The following TNS1 variants were observed in gnomAD, a reference collection of about 807,000 sequenced individuals.
TNS1 encodes the protein tensin 1.
In TNS1, 62 loss-of-function variants were observed where a neutral mutation model predicts 168.6. That is an observed-to-expected ratio of 0.37 (90% CI 0.30 to 0.45). The LOEUF is 0.45. Ranked by LOEUF, TNS1 falls within the 20% of genes least tolerant of loss-of-function variation. TNS1 has a pLI of 1.00. For synonymous variants in TNS1, 934 were observed against 933.2 expected, an observed-to-expected ratio of 1.00 and a Z score of -0.02; for missense variants, 2,240 against 2,339.4, an observed-to-expected ratio of 0.96 and a Z score of 0.88.
In TNS1 at chr2:217,848,889, G is replaced by T. The variant is rs1286286362; in HGVS notation, c.1628C>A (p.Thr543Asn). 1.9e-6 allele frequency: 3 copies of T among 1,614,038 alleles called. No individual in the cohort carries two copies. Residue 543 changes from threonine to asparagine, a missense_variant, in exon 19 of 33, where the codon ACC (threonine) becomes AAC (asparagine). Coordinates refer to ENST00000682258, the MANE Select transcript of TNS1 (RefSeq NM_001387777.1). ...NSTASTKTDKTDEPVPGASSA... is the reference protein window; with the variant it reads ...NSTASTKTDKNDEPVPGASSA... Reference sequence around the variant, plus strand: ...GGAGGCCCCGGGGACAGGCTCGTCGGTCTTGTCGGTCTTGGTGGAGGCTGT... The same window carrying T: ...GGAGGCCCCGGGGACAGGCTCGTCGTTCTTGTCGGTCTTGGTGGAGGCTGT...
chr2:217,931,450 C>G (rs920284334), intron 3 of TNS1, among the ~76,000 whole-genome samples: 5 of 152,214 alleles, frequency 3.3e-5, no homozygotes, highest in African/African-American at 4.8e-5. Flanking sequence ...CCAACCACCA[C>G]GGGGACATGT....
chr2:217,836,192 C>T lies in TNS1; in HGVS notation c.3027G>A (p.Lys1009=), dbSNP rs1286465451. ...GAGGGGCTGGGGGCTCTGCAGGCTG[C>T]TTCTCCCGAGCCTGTACCCCTGGGA... The part of the protein sequence containing the change: ...HRVAGVQARE[K]QPAEPPAPLR... The change falls in exon 20 of 33, where the codon AAG becomes AAA. Residue 1009 remains lysine (K), a synonymous_variant. Coordinates refer to ENST00000682258, the MANE Select transcript of TNS1 (RefSeq NM_001387777.1). 1 of 1,611,798 alleles carries T rather than the reference C, an allele frequency of 6.2e-7. No homozygotes were observed. The highest frequency in any genetic ancestry group is 1.3e-5 in the African/African-American group (1 of 74,848).
At chr2:217,970,090 T>C (rs1343265349) in intron 3 of TNS1, among the ~76,000 whole-genome samples, 1 of 151,940 alleles carries the variant, frequency 6.6e-6, no homozygotes, top group African/African-American at 2.4e-5. Flanking sequence ...AGACAGAGGA[T>C]GGGTGATGCA....
chr2:218,014,917 AAGGAAGGCAGGCAGGC>A (rs1175780975), upstream of TNS1, among the ~76,000 whole-genome samples: 137 of 76,630 alleles, frequency 1.8e-3, no homozygotes, highest in African/African-American at 5.8e-3. Context: ...GGAAGGAAGG[AAGGAAGGCAGGCAGGC>A]AGGCAGGCAG....
chr2:217,865,272 C>T (rs1949170426), intron 18 of TNS1, among the ~76,000 whole-genome samples: 1 of 152,138 alleles, frequency 6.6e-6, no homozygotes, highest in African/African-American at 2.4e-5. Context: ...CCAAATAAGC[C>T]CATCTAGGGC....
chr2:217,983,871 C>T (rs889240771), intron 2 of TNS1, among the ~76,000 whole-genome samples: 4 of 152,282 alleles, frequency 2.6e-5, no homozygotes, highest in East Asian at 3.9e-4. Flanking sequence ...GTCTAGGCCA[C>T]GGTACCTAGA....
intron 3 of TNS1, among the ~76,000 whole-genome samples, chr2:217,970,099 C>T (rs1275830258): frequency 6.6e-6 from 1 of 152,100 alleles, no homozygotes; most frequent in East Asian, 1.9e-4. Context: ...ATGGGTGATG[C>T]ACCTACAAGC....
intron 18 of TNS1, among the ~76,000 whole-genome samples, chr2:217,860,282 G>A (rs961684828): frequency 6.6e-6 from 1 of 152,114 alleles, no homozygotes; most frequent in African/African-American, 2.4e-5. Flanking sequence ...AAAATAAGGG[G>A]AAGAACAAAA....
In TNS1 at chr2:217,847,707, T is replaced by C. The variant is rs1205380363; in HGVS notation, c.2810A>G (p.Lys937Arg). Residue 937 changes from lysine (K) to arginine (R), a missense_variant, in exon 19 of 33, where the codon AAG becomes AGG. This residue lies in a region of TNS1 where 2,131 missense variants were observed against 2,171.2 expected (regional missense o/e 0.98). Transcript: ENST00000682258. ...AGGCAAGGAGGAAGAGGCTGGGCTCTTTGAATGGAAATCCTGGTTAGGCCC... is the reference window on the plus strand; with the variant it reads ...AGGCAAGGAGGAAGAGGCTGGGCTCCTTGAATGGAAATCCTGGTTAGGCCC... ...LAGPNQDFHS[K>R]SPASSSLPAF... 1 of 1,605,500 alleles carries C rather than the reference T, an allele frequency of 6.2e-7. No homozygotes were observed. Among genetic ancestry groups the C allele is most frequent in the East Asian group, 2.2e-5 (1 of 44,624 alleles).
At chr2:217,879,592 T>G (rs902984711) in intron 18 of TNS1, 5 of 301,148 alleles carry the variant, frequency 1.7e-5, no homozygotes, top group African/African-American at 1.2e-4. Flanking sequence ...CGTAAAAAAA[T>G]GTGCTCTCAG....
chr2:217,885,009 C>T (rs373331703), intron 16 of TNS1, 26 bp downstream of exon 16: 2 of 1,613,616 alleles, frequency 1.2e-6, no homozygotes, highest in East Asian at 2.2e-5. Flanking sequence ...GGGGTGCCCA[C>T]CCCCAGCTCC....
At chr2:217,961,193 G>C (rs1162666155) in intron 3 of TNS1, among the ~76,000 whole-genome samples, 1 of 151,632 alleles carries the variant, frequency 6.6e-6, no homozygotes, top group Non-Finnish European at 1.5e-5. Flanking sequence ...AAATCCCAGA[G>C]GGTTTCCCAC....
At chr2:217,981,416 A>G (rs1348290588) in intron 2 of TNS1, among the ~76,000 whole-genome samples, 1 of 152,206 alleles carries the variant, frequency 6.6e-6, no homozygotes, top group Non-Finnish European at 1.5e-5. Flanking sequence ...GTGGGCACAC[A>G]CTCAGCAAAT....
intron 32 of TNS1, among the ~76,000 whole-genome samples, chr2:217,805,849 CCA>C (rs897102759): frequency 4.3e-5 from 6 of 141,140 alleles, no homozygotes; most frequent in Non-Finnish European, 7.7e-5. Context: ...CATATACACA[CCA>C]CACACAACAC....
intron 2 of TNS1, among the ~76,000 whole-genome samples, chr2:217,982,615 C>G (rs1286919439): frequency 3.9e-5 from 6 of 152,080 alleles, no homozygotes; most frequent in African/African-American, 1.4e-4. Flanking sequence ...TTTGCCCAGG[C>G]TGGTCTCGAA....
At chr2:217,822,278 A>G (rs1241824429) in intron 22 of TNS1, among the ~76,000 whole-genome samples, 1 of 152,106 alleles carries the variant, frequency 6.6e-6, no homozygotes, top group Non-Finnish European at 1.5e-5. Context: ...CTCAGCACCC[A>G]GGCCCTTCCA....
At chr2:217,999,548 A>G (rs1366169281) in intron 1 of TNS1, among the ~76,000 whole-genome samples, 1 of 152,224 alleles carries the variant, frequency 6.6e-6, no homozygotes, top group Non-Finnish European at 1.5e-5. Flanking sequence ...TGCCTCACAC[A>G]TTACTTTGCA....
At chr2:217,866,515 G>A (rs1344138732) in intron 18 of TNS1, among the ~76,000 whole-genome samples, 1 of 152,184 alleles carries the variant, frequency 6.6e-6, no homozygotes, top group Admixed American at 6.5e-5. Context: ...GGGACTTACA[G>A]GAAGTCTGTA....
At chr2:217,910,322 A>C (rs1954221383) in intron 4 of TNS1, among the ~76,000 whole-genome samples, 1 of 151,926 alleles carries the variant, frequency 6.6e-6, no homozygotes, top group Non-Finnish European at 1.5e-5. Context: ...GGAGCTAAAA[A>C]TTTCCAAGTC....
Sources: gnomAD v4.1 joint callset for allele counts (sites outside exome capture counted in the v4.1 genomes callset) on GRCh38, gnomAD v4.1.1 for gene constraint, gnomAD v4.1.1 regional missense constraint, MANE v1.5 for transcripts, NCBI Gene and HGNC (gene_info 2026-07-23, HGNC 2026-07-21) for gene names.